GRID1: variants seen among roughly 807,000 people sequenced by gnomAD.
The protein encoded by GRID1 is glutamate receptor ionotropic, delta-1.
A neutral mutation model predicts 98.0 loss-of-function variants in GRID1; 28 were observed. The observed-to-expected ratio is 0.29, with a 90% CI of 0.21 to 0.39. The LOEUF (loss-of-function observed/expected upper bound fraction) is 0.39, where lower values mean the gene tolerates loss of function less well. Ranked by LOEUF, GRID1 falls within the 10% of genes least tolerant of loss-of-function variation. The probability of loss-of-function intolerance (pLI) is 1.00; values close to 1 mark genes in which losing one functional copy is unlikely to be tolerated. For missense variants in GRID1, 1,111 were observed against 1,340.5 expected (o/e 0.83, Z 2.67); for synonymous variants, 553 against 538.5 (o/e 1.03, Z -0.37).
At chr10:86,312,742 C>A (rs964037380) in intron 2 of GRID1, among the ~76,000 whole-genome samples, 1 of 152,232 alleles carries the variant, frequency 6.6e-6, no homozygotes, top group Non-Finnish European at 1.5e-5. Context: ...GTGACCTGCA[C>A]CACCCCAGGG....
intron 4 of GRID1, among the ~76,000 whole-genome samples, chr10:85,942,537 T>C (rs1259748875): frequency 6.6e-6 from 1 of 152,196 alleles, no homozygotes; most frequent in African/African-American, 2.4e-5. Flanking sequence ...CTTCCTCTCC[T>C]TCCTGCAGCT....
intron 2 of GRID1, among the ~76,000 whole-genome samples, chr10:86,284,874 G>A (rs1440301348): frequency 6.6e-6 from 1 of 152,182 alleles, no homozygotes; most frequent in Non-Finnish European, 1.5e-5. Flanking sequence ...ATTGGGCTGT[G>A]GCCACTCAGG....
At chr10:85,831,036 A>G (rs978291291) in intron 8 of GRID1, among the ~76,000 whole-genome samples, 4 of 152,196 alleles carry the variant, frequency 2.6e-5, no homozygotes, top group Admixed American at 6.5e-5. Flanking sequence ...ACTATTTACA[A>G]TGGCAGACAT....
At chr10:85,660,674 C>G (rs575742612) in intron 12 of GRID1, among the ~76,000 whole-genome samples, 16 of 152,106 alleles carry the variant, frequency 1.1e-4, no homozygotes, top group African/African-American at 3.4e-4. Context: ...AACATCAAAC[C>G]TCTTAAGCAG....
At chr10:85,849,015 C>T (rs1843033019) in intron 8 of GRID1, among the ~76,000 whole-genome samples, 1 of 152,148 alleles carries the variant, frequency 6.6e-6, no homozygotes, top group Non-Finnish European at 1.5e-5. Context: ...CTAGATCCTC[C>T]CAGCCCCACC....
At chr10:86,044,860 C>T (rs763343829) in intron 4 of GRID1, among the ~76,000 whole-genome samples, 7 of 152,180 alleles carry the variant, frequency 4.6e-5, no homozygotes, top group African/African-American at 1.4e-4. Flanking sequence ...TGTAGACTGC[C>T]GAACTGGATG....
chr10:86,364,084 T>A lies in GRID1; in HGVS notation c.92A>T (p.Glu31Val). 1 of 1,613,828 alleles carries A rather than the reference T, an allele frequency of 6.2e-7. No homozygotes were observed. Among genetic ancestry groups the A allele is most frequent in the Non-Finnish European group, 8.5e-7 (1 of 1,179,788 alleles). ...DSIIHIGAIF[E>V]ENAAKDDRVF... ...CCTGTCGTCCTTGGCCGCGTTCTCC[T>A]CGAAGATGGCACCTGGAGGAGAGAA... Residue 31 changes from glutamate (E) to valine (V), a missense_variant, in exon 2 of 16, where the codon GAG becomes GTG. This residue lies in a region of GRID1 where 346 missense variants were observed against 452.3 expected (regional missense o/e 0.76). Coordinates refer to ENST00000327946, the MANE Select transcript of GRID1 (RefSeq NM_017551.3).
At chr10:86,034,369 C>T (rs775514877) in intron 4 of GRID1, among the ~76,000 whole-genome samples, 3 of 151,966 alleles carry the variant, frequency 2.0e-5, no homozygotes, top group Non-Finnish European at 4.4e-5. Flanking sequence ...CAAAATTTAC[C>T]CACCAGCTGC....
chr10:85,617,314 T>A (rs1321214758), intron 14 of GRID1, among the ~76,000 whole-genome samples: 1 of 149,042 alleles, frequency 6.7e-6, no homozygotes, highest in Admixed American at 6.7e-5. Flanking sequence ...CTCACTGCAA[T>A]CTCCACCTCC....
intron 8 of GRID1, among the ~76,000 whole-genome samples, chr10:85,799,377 A>AAACAT (rs1842554833): frequency 6.6e-6 from 1 of 152,148 alleles, no homozygotes; most frequent in African/African-American, 2.4e-5. Context: ...ATATATGAAA[A>AAACAT]ATGATTATGT....
chr10:85,704,246 C>T (rs572729221), intron 12 of GRID1, among the ~76,000 whole-genome samples: 36 of 152,150 alleles, frequency 2.4e-4, no homozygotes, highest in African/African-American at 1.4e-4. Flanking sequence ...AAGACACACA[C>T]AGGCTCAAAA....
At chr10:86,246,025 G>A (rs1323722364) in intron 2 of GRID1, among the ~76,000 whole-genome samples, 1 of 152,234 alleles carries the variant, frequency 6.6e-6, no homozygotes. Context: ...GCTGGGGCAG[G>A]CACCCATGTG....
intron 4 of GRID1, among the ~76,000 whole-genome samples, chr10:86,108,991 T>C (rs1844435711): frequency 6.6e-6 from 1 of 152,196 alleles, no homozygotes; most frequent in Non-Finnish European, 1.5e-5. Flanking sequence ...CACTGAGTTC[T>C]CACTGCAGCC....
intron 6 of GRID1, among the ~76,000 whole-genome samples, chr10:85,858,312 G>C (rs1327528233): frequency 1.3e-5 from 2 of 152,150 alleles, no homozygotes; most frequent in Non-Finnish European, 2.9e-5. Flanking sequence ...TCAGTGCCTG[G>C]TCTGACCTTC....
At chr10:85,649,166 T>C (rs1843234030) in intron 12 of GRID1, among the ~76,000 whole-genome samples, 1 of 152,144 alleles carries the variant, frequency 6.6e-6, no homozygotes, top group African/African-American at 2.4e-5. Flanking sequence ...GCCCCATTTT[T>C]GCATCCACTG....
At chr10:85,983,373 C>G (rs1049222978) in intron 4 of GRID1, among the ~76,000 whole-genome samples, 1 of 152,218 alleles carries the variant, frequency 6.6e-6, no homozygotes, top group African/African-American at 2.4e-5. Context: ...GATTATGCTA[C>G]GTGTCCACTG....
chr10:86,112,419 T>C (rs990446936), intron 4 of GRID1, among the ~76,000 whole-genome samples: 1 of 152,236 alleles, frequency 6.6e-6, no homozygotes, highest in African/African-American at 2.4e-5. Flanking sequence ...CTTGGTTTTA[T>C]TTAGCATCAG....
At chr10:85,799,719 G>A (rs1842558418) in intron 8 of GRID1, among the ~76,000 whole-genome samples, 1 of 152,070 alleles carries the variant, frequency 6.6e-6, no homozygotes. Flanking sequence ...GGAGAGTAGT[G>A]GGGAGGTGGA....
At chr10:86,149,651 A>G (rs563933694) in intron 3 of GRID1, among the ~76,000 whole-genome samples, 1 of 152,382 alleles carries the variant, frequency 6.6e-6, no homozygotes, top group Non-Finnish European at 1.5e-5. Flanking sequence ...TCGAAAAAAC[A>G]CACCACGCTG....
Sources: gnomAD v4.1 joint callset for allele counts (sites outside exome capture counted in the v4.1 genomes callset) on GRCh38, gnomAD v4.1.1 for gene constraint, gnomAD v4.1.1 regional missense constraint, MANE v1.5 for transcripts, NCBI Gene and HGNC (gene_info 2026-07-23, HGNC 2026-07-21) for gene names.